Variants in HDDC2 observed in about 807,000 individuals in gnomAD.
HDDC2 encodes HD domain containing 2, also known as 5'-deoxynucleotidase HDDC2.
HDDC2 carries 25 observed loss-of-function variants against 25.5 expected under a neutral mutation model. That is an observed-to-expected ratio of 0.98 (90% CI 0.72 to 1.37). The LOEUF (loss-of-function observed/expected upper bound fraction) is 1.37. HDDC2 is among the 40% of genes most tolerant of loss of function. The pLI is 0.00. For missense variants in HDDC2, 264 were observed against 253.1 expected (o/e 1.04, Z -0.29); for synonymous variants, 106 against 89.7 (o/e 1.18, Z -1.03).
intron 4 of HDDC2, 145 bp from the exon 5 acceptor site, chr6:125,277,385 A>C: frequency 1.4e-6 from 1 of 693,012 alleles, no homozygotes. Flanking sequence ...TTAGAAATCC[A>C]TCAGAGACAC....
At chr6:125,297,986 CA>C (rs1444432810) in intron 3 of HDDC2, among the ~76,000 whole-genome samples, 1 of 152,110 alleles carries the variant, frequency 6.6e-6, no homozygotes, top group African/African-American at 2.4e-5. Flanking sequence ...ATAATAATTA[CA>C]ATAATGATTC....
chr6:125,295,194 C>T (rs1338274041), intron 3 of HDDC2, among the ~76,000 whole-genome samples: 1 of 152,174 alleles, frequency 6.6e-6, no homozygotes, highest in African/African-American at 2.4e-5. Flanking sequence ...CTGAGTTTCA[C>T]CTTGTTGTTC....
At chr6:125,294,698 A>G (rs1270333412) in intron 3 of HDDC2, among the ~76,000 whole-genome samples, 1 of 152,198 alleles carries the variant, frequency 6.6e-6, no homozygotes, top group Non-Finnish European at 1.5e-5. Context: ...AGACTATTTT[A>G]TTCTCTTTAA....
intron 5 of HDDC2, chr6:125,276,454 A>T: frequency 1.8e-6 from 1 of 561,970 alleles, no homozygotes; most frequent in South Asian, 2.2e-5. Context: ...GCAACTGAGA[A>T]TAAGGATGAG....
chr6:125,292,945 C>CA (rs779702088), intron 3 of HDDC2, 36 bp from the exon 4 acceptor site: 3 of 1,503,918 alleles, frequency 2.0e-6, no homozygotes, highest in Admixed American at 1.7e-5. Context: ...ATTATATTGA[C>CA]ATTTATCACA....
intron 4 of HDDC2, among the ~76,000 whole-genome samples, chr6:125,285,256 A>G (rs900797158): frequency 6.6e-6 from 1 of 152,158 alleles, no homozygotes; most frequent in East Asian, 1.9e-4. Flanking sequence ...TGCCACATGT[A>G]TACCTAGGTA....
chr6:125,297,664 C>A, intron 3 of HDDC2: 1 of 395,944 alleles, frequency 2.5e-6, no homozygotes, highest in South Asian at 1.3e-4. Flanking sequence ...ACACACTTGC[C>A]CTGTTAAACC....
intron 3 of HDDC2, among the ~76,000 whole-genome samples, chr6:125,293,456 G>A (rs1269664306): frequency 1.3e-5 from 2 of 152,156 alleles, no homozygotes; most frequent in African/African-American, 4.8e-5. Flanking sequence ...ATAGAATTTT[G>A]TAGGCTCACA....
intron 4 of HDDC2, chr6:125,277,657 G>A (rs1199120373): frequency 6.4e-6 from 1 of 156,348 alleles, no homozygotes; most frequent in African/African-American, 2.4e-5. Flanking sequence ...TTCATGTCAG[G>A]TTTCCTTGTC....
chr6:125,282,259 T>C (rs1342736094), intron 4 of HDDC2, among the ~76,000 whole-genome samples: 2 of 151,594 alleles, frequency 1.3e-5, no homozygotes, highest in African/African-American at 4.9e-5. Flanking sequence ...GGCAGGAGAA[T>C]TGCTGGAACC....
chr6:125,287,092 A>G (rs1798549481), intron 4 of HDDC2, among the ~76,000 whole-genome samples: 1 of 152,220 alleles, frequency 6.6e-6, no homozygotes, highest in Non-Finnish European at 1.5e-5. Context: ...CAAGTGTGCA[A>G]CTGGGAAACT....
intron 4 of HDDC2, among the ~76,000 whole-genome samples, chr6:125,280,273 C>T (rs1798438227): frequency 6.6e-6 from 1 of 152,196 alleles, no homozygotes; most frequent in South Asian, 2.1e-4. Context: ...TGAGTGCTTA[C>T]ACCACAAGGG....
At chr6:125,281,285 T>C (rs2115102422) in intron 4 of HDDC2, among the ~76,000 whole-genome samples, 1 of 152,072 alleles carries the variant, frequency 6.6e-6, no homozygotes, top group East Asian at 1.9e-4. Flanking sequence ...TTCAAAAAAA[T>C]AGAATGCCCC....
At chr6:125,297,713 C>T (rs1798725404) in intron 3 of HDDC2, 4 of 393,264 alleles carry the variant, frequency 1.0e-5, no homozygotes, top group Admixed American at 4.4e-5. Context: ...AATTTAGGAC[C>T]AATCTCTTAG....
intron 3 of HDDC2, among the ~76,000 whole-genome samples, chr6:125,296,744 T>G (rs1255849946): frequency 6.6e-6 from 1 of 152,186 alleles, no homozygotes; most frequent in Non-Finnish European, 1.5e-5. Context: ...TGGAAAGGTT[T>G]TTCATCAAAG....
At chr6:125,283,615 T>C (rs1483637273) in intron 4 of HDDC2, among the ~76,000 whole-genome samples, 3 of 152,188 alleles carry the variant, frequency 2.0e-5, no homozygotes, top group Non-Finnish European at 4.4e-5. Flanking sequence ...ACAAGGAATG[T>C]GAAGGACCTC....
In HDDC2 at chr6:125,276,027, C is replaced by A. The variant is rs1798363354; in HGVS notation, c.*119G>T. The A allele has an allele frequency of 1.4e-6, 1 of 738,740 alleles. No homozygotes were observed. The highest frequency in any genetic ancestry group is 1.7e-5 in the South Asian group (1 of 58,056). The allele number at this position is 738,740 out of a possible 1,614,324, so 45.8% of individuals were successfully genotyped here. On this transcript the variant is annotated 3_prime_UTR_variant, in exon 6 of 6. Coordinates refer to ENST00000398153, the MANE Select transcript of HDDC2 (RefSeq NM_016063.3). ...ATCACATTTCTTGCTGAAGTTCAGA[C>A]AATTGAAAACAAACAGACTCACATC... is the stretch of plus-strand genomic sequence containing the variant.
intron 4 of HDDC2, among the ~76,000 whole-genome samples, chr6:125,287,026 G>A (rs1434505576): frequency 1.3e-5 from 2 of 152,132 alleles, no homozygotes; most frequent in Non-Finnish European, 2.9e-5. Flanking sequence ...TCTAGCCTGT[G>A]GAACTAGCTG....
At chr6:125,294,275 T>C (rs1023534603) in intron 3 of HDDC2, among the ~76,000 whole-genome samples, 2 of 152,228 alleles carry the variant, frequency 1.3e-5, no homozygotes, top group Non-Finnish European at 2.9e-5. Flanking sequence ...TGTGTGTATA[T>C]TTATTTATTA....
Sources: allele counts gnomAD v4.1 joint callset (sites outside exome capture counted in the v4.1 genomes callset), GRCh38; gene constraint gnomAD v4.1.1; transcripts MANE v1.5; gene names NCBI Gene and HGNC (gene_info 2026-07-23, HGNC 2026-07-21).